The following COX15 variants were observed in gnomAD, a reference collection of about 807,000 sequenced individuals.
The protein encoded by COX15 is heme A synthase COX15.
COX15 carries 51 observed loss-of-function variants against 51.9 expected under a neutral mutation model. The ratio of observed to expected loss-of-function variants is 0.98; its 90% CI spans 0.78 to 1.24. The LOEUF (loss-of-function observed/expected upper bound fraction) is 1.24. Ranked by LOEUF, COX15 falls within the 50% of genes most tolerant of loss-of-function variation. COX15 has a pLI of 0.00. For synonymous variants in COX15, 188 were observed against 190.5 expected (o/e 0.99, Z 0.11); for missense variants, 420 against 501.1 (o/e 0.84, Z 1.55).
In COX15 at chr10:99,711,077, G is replaced by A; in HGVS notation, c.*3510C>T. 1 of 969,856 alleles carries A rather than the reference G, an allele frequency of 1.0e-6. No individual in the cohort carries two copies. Among genetic ancestry groups the A allele is most frequent in the Non-Finnish European group, 1.2e-6 (1 of 825,302 alleles). The allele number at this position is 969,856 out of a possible 1,614,324, so 60.1% of individuals were successfully genotyped here. A position where few individuals can be genotyped will look rare whatever the true frequency, so the allele number is the denominator to read the frequency against. ...TAATTCAATATTTGATATGTGTCTG[G>A]GAGTGCTGGGAATAACATAAATACA... On this transcript the variant is annotated 3_prime_UTR_variant, in exon 9 of 9. Coordinates refer to ENST00000016171, the MANE Select transcript of COX15 (RefSeq NM_078470.6).
At chr10:99,702,707 C>G in the COX15 span, 8 of 1,559,430 alleles carry the variant, frequency 5.1e-6, no homozygotes, top group Non-Finnish European at 6.9e-6. Context: ...GTATCTTGAG[C>G]TCAGAGGATA....
At chr10:99,726,853 A>G in intron 4 of COX15, 115 bp downstream of exon 4, 2 of 1,032,094 alleles carry the variant, frequency 1.9e-6, no homozygotes, top group African/African-American at 1.8e-5. Context: ...GCGCCACTGC[A>G]CTCCAGCCTG....
At chr10:99,699,708 A>T in the COX15 span, among the ~76,000 whole-genome samples, 1 of 152,026 alleles carries the variant, frequency 6.6e-6, no homozygotes, top group African/African-American at 2.4e-5. Context: ...GGGATTACAG[A>T]TGCCCACCAC....
intron 1 of COX15, among the ~76,000 whole-genome samples, chr10:99,730,621 C>T (rs190626759): frequency 4.6e-4 from 70 of 151,974 alleles, no homozygotes; most frequent in Admixed American, 1.2e-3. Context: ...TAGATGGTAT[C>T]GCCTACTACA....
At chr10:99,728,726 G>T (rs1168341270) in intron 2 of COX15, among the ~76,000 whole-genome samples, 1 of 152,072 alleles carries the variant, frequency 6.6e-6, no homozygotes, top group East Asian at 1.9e-4. Context: ...GGAAATAGAC[G>T]GGACAAAGGA....
At chr10:99,720,065 G>C (rs1414797376) in intron 6 of COX15, among the ~76,000 whole-genome samples, 2 of 152,074 alleles carry the variant, frequency 1.3e-5, no homozygotes, top group Admixed American at 6.5e-5. Context: ...ATTAATTTAA[G>C]TTTAAATATC....
chr10:99,711,888 G>C lies in COX15; in HGVS notation c.*2699C>G, dbSNP rs964707415. On this transcript the variant is annotated 3_prime_UTR_variant, in exon 9 of 9. Transcript: ENST00000016171. ...TTTATTTGGCTCACTGTTCTGCATAGAACTGTATAGGAAGCATGGCGCTGG... is the reference window on the plus strand; with the variant it reads ...TTTATTTGGCTCACTGTTCTGCATACAACTGTATAGGAAGCATGGCGCTGG... The C allele has an allele frequency of 6.5e-6, 6 of 921,942 alleles. No homozygotes were observed. The highest frequency in any genetic ancestry group is 7.8e-6 in the Non-Finnish European group (6 of 772,200). 57.1% of individuals were successfully genotyped at this position (921,942 alleles called of 1,614,324 possible).
At chr10:99,724,586 T>C (rs1452248994) in intron 4 of COX15, among the ~76,000 whole-genome samples, 2 of 152,168 alleles carry the variant, frequency 1.3e-5, no homozygotes. Flanking sequence ...GATTCATGAT[T>C]TATCCACAGT....
downstream of COX15, chr10:99,709,214 T>A (rs966992763): frequency 1.0e-6 from 1 of 985,320 alleles, no homozygotes; most frequent in African/African-American, 1.7e-5. Context: ...TTGTAATTCT[T>A]GGGCAGTTTC....
chr10:99,709,904 C>T (rs554922652), downstream of COX15: 43 of 985,398 alleles, frequency 4.4e-5, 1 homozygote, highest in South Asian at 1.1e-3. Flanking sequence ...CTGAGCAATA[C>T]GGAGATCCTT....
the COX15 span, among the ~76,000 whole-genome samples, chr10:99,695,262 C>T: frequency 3.9e-5 from 6 of 152,098 alleles, no homozygotes; most frequent in African/African-American, 7.2e-5. Flanking sequence ...CAGTGGCTCA[C>T]ACCTGTAATC....
At chr10:99,707,737 A>C (rs934572379), downstream of COX15, among the ~76,000 whole-genome samples, 1 of 152,258 alleles carries the variant, frequency 6.6e-6, no homozygotes, top group Non-Finnish European at 1.5e-5. Context: ...AGCACAATCC[A>C]TCACTTTCCC....
At chr10:99,708,027 T>G (rs2036286759), downstream of COX15, among the ~76,000 whole-genome samples, 1 of 152,162 alleles carries the variant, frequency 6.6e-6, no homozygotes, top group Non-Finnish European at 1.5e-5. Flanking sequence ...ACCTAACAGA[T>G]AGTTCTTTAA....
At position 99,711,263 on chromosome 10, in the gene COX15, C is replaced by T; in HGVS notation, c.*3324G>A. The T allele has an allele frequency of 1.0e-6, 1 of 985,362 alleles. No individual in the cohort carries two copies. Among genetic ancestry groups the T allele is most frequent in the Non-Finnish European group, 1.2e-6 (1 of 829,914 alleles). 61.0% of individuals were successfully genotyped at this position (985,362 alleles called of 1,614,324 possible). A position where few individuals can be genotyped will look rare whatever the true frequency, so the allele number is the denominator to read the frequency against. On this transcript the variant is annotated 3_prime_UTR_variant, in exon 9 of 9. Transcript: ENST00000016171. ...TTAACTTACTCATGAGTTGCTACTT[C>T]CTTGGAGGCAACTGTAGAAGCATTA...
At chr10:99,708,645 C>T, downstream of COX15, 1 of 211,442 alleles carries the variant, frequency 4.7e-6, no homozygotes, top group Non-Finnish European at 8.2e-6. Context: ...AAAGAGCCTC[C>T]TATTTTATCC....
At chr10:99,723,229 G>A (rs1041320261) in intron 5 of COX15, 2 of 152,074 alleles carry the variant, frequency 1.3e-5, no homozygotes, top group Non-Finnish European at 2.9e-5. Context: ...TGCAACCTCT[G>A]CCTCCCGGAT....
At chr10:99,720,022 G>A (rs1321878804) in intron 6 of COX15, among the ~76,000 whole-genome samples, 3 of 152,184 alleles carry the variant, frequency 2.0e-5, no homozygotes, top group Non-Finnish European at 4.4e-5. Context: ...TAGTGTGACT[G>A]AAGAACTAAA....
intron 6 of COX15, among the ~76,000 whole-genome samples, chr10:99,720,385 G>T (rs2036722094): frequency 6.6e-6 from 1 of 152,160 alleles, no homozygotes; most frequent in Non-Finnish European, 1.5e-5. Flanking sequence ...GGCAGAGGTT[G>T]CAGTGAGCTG....
intron 5 of COX15, 100 bp downstream of exon 5, chr10:99,723,856 T>C: frequency 7.3e-7 from 1 of 1,375,842 alleles, no homozygotes. Context: ...GTTGGCAAAA[T>C]ATTCAACTCC....
Sources: gnomAD v4.1 joint callset for allele counts (sites outside exome capture counted in the v4.1 genomes callset) on GRCh38, gnomAD v4.1.1 for gene constraint, MANE v1.5 for transcripts, NCBI Gene and HGNC (gene_info 2026-07-23, HGNC 2026-07-21) for gene names.